The following INO80D variants were observed in gnomAD, a reference collection of about 807,000 sequenced individuals.
INO80D encodes INO80 complex subunit D.
A neutral mutation model predicts 87.6 loss-of-function variants in INO80D; 21 were observed. The observed-to-expected ratio is 0.24, with a 90% CI of 0.17 to 0.35. The LOEUF (loss-of-function observed/expected upper bound fraction) is 0.35, where lower values mean the gene tolerates loss of function less well. Among genes scored for constraint, INO80D ranks in the 10% least tolerant of loss-of-function variants. The pLI is 1.00. For missense variants in INO80D, 982 were observed against 1,280.7 expected, an observed-to-expected ratio of 0.77 and a Z score of 3.56; for synonymous variants, 440 against 491.0, an observed-to-expected ratio of 0.90 and a Z score of 1.37.
At position 206,001,663 on chromosome 2, in the gene INO80D, G is replaced by T. The variant is rs1687909672; in HGVS notation, c.*2705C>A. ...AAAAGAAAAACACAGATCTCTCTGG[G>T]CTTATAGATGTTCTCCTCTCTTCCA... On this transcript the variant is annotated 3_prime_UTR_variant, in exon 11 of 11. Coordinates refer to ENST00000403263, the MANE Select transcript of INO80D (RefSeq NM_017759.5). The T allele has an allele frequency of 6.6e-6, 1 of 152,098 alleles. No homozygotes were observed. The highest frequency in any genetic ancestry group is 1.5e-5 in the Non-Finnish European group (1 of 68,024). The allele number at this position is 152,098 out of a possible 1,614,324, so 9.4% of individuals were successfully genotyped here. A position where few individuals can be genotyped will look rare whatever the true frequency, so the allele number is the denominator to read the frequency against.
At chr2:206,005,564 A>T in intron 10 of INO80D, 31 bp from the exon 11 acceptor site, 1 of 1,535,784 alleles carries the variant, frequency 6.5e-7, no homozygotes, top group Non-Finnish European at 8.9e-7. Context: ...GACAATCAGT[A>T]GAGCTTTTAC....
At chr2:206,067,104 G>A (rs982666105) in intron 1 of INO80D, among the ~76,000 whole-genome samples, 1 of 151,282 alleles carries the variant, frequency 6.6e-6, no homozygotes, top group Non-Finnish European at 1.5e-5. Flanking sequence ...AAAAGTAGCC[G>A]GGCATGGTGG....
At chr2:206,046,845 G>A (rs1033262477) in intron 4 of INO80D, among the ~76,000 whole-genome samples, 1 of 152,052 alleles carries the variant, frequency 6.6e-6, no homozygotes, top group Non-Finnish European at 1.5e-5. Context: ...GCAGTGGCAC[G>A]ATCTTGGCTC....
rs140938753 is a variant in INO80D at position 206,038,214 on chromosome 2, A to G, written c.1073+8290T>C. ...CTATGCATAACAAAACTGCATGTGT[A>G]CCCCATAAATGTGTACAAATAATAT... is the stretch of plus-strand genomic sequence containing the variant. On this transcript the variant is annotated intron_variant, in intron 5 of 10. Coordinates refer to ENST00000403263, the MANE Select transcript of INO80D (RefSeq NM_017759.5). Among the ~76,000 whole-genome samples the G allele has an allele frequency of 4.8e-4, 73 of 152,318 alleles. 1 individual carries two copies. The highest frequency in any genetic ancestry group is 4.6e-3 in the East Asian group (24 of 5,186).
chr2:206,073,410 A>G (rs899120422), intron 1 of INO80D, among the ~76,000 whole-genome samples: 2 of 152,202 alleles, frequency 1.3e-5, no homozygotes, highest in South Asian at 2.1e-4. Context: ...GCAAGATATA[A>G]ATAAGAATGG....
Position 206,056,515 on chromosome 2 carries a change from G to A in INO80D, c.647C>T (p.Ser216Phe). ...TGGCGCTGGAGGTTTTAAAGAAGTA[G>A]ATAAAGGTGACAGGTGGGAGTGCTG... Reference protein sequence around the residue: ...PQQHSHLSPLSTSLKPPAPPQ... With the variant: ...PQQHSHLSPLFTSLKPPAPPQ... Residue 216 changes from serine to phenylalanine, a missense_variant, in exon 4 of 11, where the codon TCT (serine) becomes TTT (phenylalanine). Coordinates refer to ENST00000403263, the MANE Select transcript of INO80D (RefSeq NM_017759.5). The A allele has an allele frequency of 6.2e-7, 1 of 1,613,478 alleles. No homozygotes were observed. Among genetic ancestry groups the A allele is most frequent in the Non-Finnish European group, 8.5e-7 (1 of 1,179,654 alleles).
At chr2:206,010,883 G>A (rs1688156314) in intron 8 of INO80D, among the ~76,000 whole-genome samples, 1 of 152,058 alleles carries the variant, frequency 6.6e-6, no homozygotes, top group Non-Finnish European at 1.5e-5. Context: ...TTCGAGACCA[G>A]CCTGGCCAAC....
chr2:206,057,403 G>A (rs1364583615), intron 3 of INO80D, among the ~76,000 whole-genome samples: 1 of 152,152 alleles, frequency 6.6e-6, no homozygotes, highest in African/African-American at 2.4e-5. Flanking sequence ...AGTGTCTACT[G>A]TGCTTTAGAC....
chr2:206,046,824 C>A lies in INO80D; in HGVS notation c.965-212G>T, dbSNP rs376027667. 3.0e-4 allele frequency among the ~76,000 whole-genome samples: 46 copies of A among 152,236 alleles called. No homozygotes were observed. In the East Asian group the frequency reaches 6.6e-3, roughly 22 times the overall value. ...TTTGACAGAGTCTCACTCTGTCACC[C>A]AGGCTGGAGTGCAGTGGCACGATCT... is the stretch of plus-strand genomic sequence containing the variant. On this transcript the variant is annotated intron_variant, in intron 4 of 10. Transcript: ENST00000403263.
intron 8 of INO80D, 123 bp from the exon 9 acceptor site, chr2:206,009,917 A>C: frequency 1.5e-6 from 1 of 683,474 alleles, no homozygotes. Context: ...GATGCCCAAA[A>C]CTATGTATAA....
intron 1 of INO80D, among the ~76,000 whole-genome samples, chr2:206,081,536 T>TG (rs1466359117): frequency 6.6e-6 from 1 of 152,204 alleles, no homozygotes; most frequent in South Asian, 2.1e-4. Context: ...GCGGATCCCT[T>TG]GCATCCAGGA....
At chr2:206,033,731 C>T (rs965785355) in intron 5 of INO80D, among the ~76,000 whole-genome samples, 1 of 151,920 alleles carries the variant, frequency 6.6e-6, no homozygotes, top group Non-Finnish European at 1.5e-5. Flanking sequence ...AAGGAAATAA[C>T]CAATATCAGA....
intron 6 of INO80D, among the ~76,000 whole-genome samples, chr2:206,022,237 G>C (rs1238615917): frequency 4.0e-5 from 6 of 151,596 alleles, no homozygotes; most frequent in Admixed American, 4.0e-4. Flanking sequence ...CATGGTGGCG[G>C]GCACCTGTAA....
chr2:206,079,893 T>C (rs190926371), intron 1 of INO80D, among the ~76,000 whole-genome samples: 12 of 152,306 alleles, frequency 7.9e-5, no homozygotes, highest in Admixed American at 6.5e-4. Context: ...CAGGATACTC[T>C]TTTGTCCCTA....
At position 206,003,972 on chromosome 2, in the gene INO80D, T is replaced by G; in HGVS notation, c.*396A>C. On this transcript the variant is annotated 3_prime_UTR_variant, in exon 11 of 11. Coordinates refer to ENST00000403263, the MANE Select transcript of INO80D (RefSeq NM_017759.5). ...ACAGGAACTCAATTAATAAGATCAT[T>G]CTATCTAGAACCACCTATGTAAAAA... is the stretch of plus-strand genomic sequence containing the variant. 1 of 204,230 alleles carries G rather than the reference T, an allele frequency of 4.9e-6. No homozygotes were observed. Among genetic ancestry groups the G allele is most frequent in the Non-Finnish European group, 1.0e-5 (1 of 98,696 alleles). The allele number at this position is 204,230 out of a possible 1,614,324, so 12.7% of individuals were successfully genotyped here. A position where few individuals can be genotyped will look rare whatever the true frequency, so the allele number is the denominator to read the frequency against.
chr2:206,020,712 A>C (rs978810351), intron 6 of INO80D, among the ~76,000 whole-genome samples: 1 of 152,200 alleles, frequency 6.6e-6, no homozygotes, highest in South Asian at 2.1e-4. Flanking sequence ...AAAATGAAAG[A>C]ATGCTAGGCA....
intron 6 of INO80D, among the ~76,000 whole-genome samples, 180 bp from the exon 7 acceptor site, chr2:206,020,025 T>C (rs1476472407): frequency 6.6e-6 from 1 of 152,162 alleles, no homozygotes; most frequent in Non-Finnish European, 1.5e-5. Context: ...CCAATTGTGT[T>C]ATTTCCCTAA....
chr2:206,013,900 T>G (rs1019517849), intron 8 of INO80D, among the ~76,000 whole-genome samples: 2 of 150,468 alleles, frequency 1.3e-5, no homozygotes, highest in African/African-American at 4.9e-5. Context: ...GGCTCATGCC[T>G]GTAATCCCAG....
intron 1 of INO80D, among the ~76,000 whole-genome samples, chr2:206,067,843 G>A (rs908316180): frequency 6.6e-6 from 1 of 152,006 alleles, no homozygotes; most frequent in African/African-American, 2.4e-5. Flanking sequence ...ACAAATCATA[G>A]AAAGAAATCT....
Sources: gnomAD v4.1 joint callset for allele counts (sites outside exome capture counted in the v4.1 genomes callset) on GRCh38, gnomAD v4.1.1 for gene constraint, MANE v1.5 for transcripts, NCBI Gene and HGNC (gene_info 2026-07-23, HGNC 2026-07-21) for gene names.